Variants in XYLB observed in about 807,000 individuals in gnomAD.
XYLB encodes xylulokinase.
Under a neutral mutation model 78.7 loss-of-function variants are expected in XYLB, and 62 were observed. That is an observed-to-expected ratio of 0.79 (90% CI 0.64 to 0.97). The LOEUF (loss-of-function observed/expected upper bound fraction) is 0.97. XYLB is among the 50% of genes least tolerant of loss of function. The probability of loss-of-function intolerance (pLI) is 0.00; values close to 1 mark genes in which losing one functional copy is unlikely to be tolerated. For synonymous variants in XYLB, 245 were observed against 247.4 expected (o/e 0.99, Z 0.09); for missense variants, 687 against 676.8 (o/e 1.02, Z -0.17).
chr3:38,417,538 C>A (rs1179259083), downstream of XYLB, among the ~76,000 whole-genome samples: 1 of 152,104 alleles, frequency 6.6e-6, no homozygotes, highest in Non-Finnish European at 1.5e-5. Context: ...TGTTAAAAGA[C>A]CCTGGACCCC....
intron 15 of XYLB, among the ~76,000 whole-genome samples, chr3:38,382,030 G>A (rs1707170833): frequency 6.6e-6 from 1 of 152,060 alleles, no homozygotes; most frequent in African/African-American, 2.4e-5. Context: ...CTACCAACGT[G>A]GGATGTCTCC....
the XYLB span, among the ~76,000 whole-genome samples, chr3:38,441,827 T>C: frequency 6.6e-6 from 1 of 152,210 alleles, no homozygotes; most frequent in Admixed American, 6.5e-5. Flanking sequence ...ATGCCACTAG[T>C]TGTAGGGTTG....
At chr3:38,378,688 TGGC>T (rs1478994702) in intron 14 of XYLB, among the ~76,000 whole-genome samples, 2 of 151,568 alleles carry the variant, frequency 1.3e-5, no homozygotes, top group Non-Finnish European at 2.9e-5. Context: ...ATGAGGGGGA[TGGC>T]GGCAGGTTCT....
intron 3 of XYLB, 140 bp downstream of exon 3, chr3:38,360,548 A>G: frequency 7.0e-6 from 5 of 718,820 alleles, no homozygotes; most frequent in Non-Finnish European, 1.1e-5. Flanking sequence ...TGGAGTTGGC[A>G]TGACTCCTGG....
intron 4 of XYLB, among the ~76,000 whole-genome samples, chr3:38,363,893 A>C (rs928729735): frequency 1.3e-5 from 2 of 152,138 alleles, no homozygotes; most frequent in African/African-American, 4.8e-5. Flanking sequence ...TGTATTTTCA[A>C]ATCCTCACTA....
intron 15 of XYLB, among the ~76,000 whole-genome samples, chr3:38,387,954 C>T (rs1484555609): frequency 1.3e-5 from 2 of 152,150 alleles, no homozygotes; most frequent in Admixed American, 1.3e-4. Flanking sequence ...ATTTTACTGC[C>T]ATTTCCTGCT....
At chr3:38,360,689 C>G (rs1483380342) in intron 3 of XYLB, among the ~76,000 whole-genome samples, 1 of 152,226 alleles carries the variant, frequency 6.6e-6, no homozygotes, top group Non-Finnish European at 1.5e-5. Flanking sequence ...CAGAGCAAAT[C>G]TTTTCCAAAC....
intron 15 of XYLB, among the ~76,000 whole-genome samples, chr3:38,382,695 C>T (rs1237665104): frequency 6.6e-6 from 1 of 152,180 alleles, no homozygotes; most frequent in Non-Finnish European, 1.5e-5. Flanking sequence ...GGTCCTCCGG[C>T]TGTCAGAAGA....
intron 18 of XYLB, among the ~76,000 whole-genome samples, chr3:38,404,125 T>G (rs756147516): frequency 1.3e-5 from 2 of 152,222 alleles, no homozygotes; most frequent in African/African-American, 2.4e-5. Flanking sequence ...AGTTTCTCCA[T>G]GAGGAGAAAT....
At chr3:38,447,244 GCTA>G in the XYLB span, among the ~76,000 whole-genome samples, 1 of 152,094 alleles carries the variant, frequency 6.6e-6, no homozygotes, top group Non-Finnish European at 1.5e-5. Flanking sequence ...AGCTGGAATG[GCTA>G]CTATTATAAA....
chr3:38,370,065 T>G lies in XYLB; in HGVS notation c.656T>G (p.Met219Arg), dbSNP rs760977055. The change falls in exon 9 of 19, where the codon ATG becomes AGG. Residue 219 changes from methionine to arginine, a missense_variant. By Grantham distance (91) the Met-to-Arg change is moderately conservative (BLOSUM62 -1). Coordinates refer to ENST00000207870, the MANE Select transcript of XYLB (RefSeq NM_005108.4). ...TTCCTTCCTTCCTCAGGTTCTGGAA[T>G]GAATTTGTTGCAGATACAGGATAAA... The part of the protein sequence containing the change: ...SPIDYSDGSG[M>R]NLLQIQDKVW... 1.2e-6 allele frequency: 2 copies of G among 1,613,974 alleles called. No individual in the cohort carries two copies. Among genetic ancestry groups the G allele is most frequent in the African/African-American group, 1.3e-5 (1 of 74,938 alleles).
intron 2 of XYLB, among the ~76,000 whole-genome samples, chr3:38,358,996 G>A (rs566104098): frequency 2.6e-5 from 4 of 152,222 alleles, no homozygotes; most frequent in Admixed American, 6.5e-5. Flanking sequence ...AGACTCCAAC[G>A]CACCAGCACT....
the XYLB span, among the ~76,000 whole-genome samples, chr3:38,431,019 G>T: frequency 6.6e-6 from 1 of 152,178 alleles, no homozygotes; most frequent in Non-Finnish European, 1.5e-5. Context: ...TTTTGCTTAG[G>T]ATTGTCTTGG....
downstream of XYLB, among the ~76,000 whole-genome samples, chr3:38,425,405 C>T (rs1487072341): frequency 6.6e-6 from 1 of 152,180 alleles, no homozygotes; most frequent in Non-Finnish European, 1.5e-5. Context: ...GAATGAATCA[C>T]TCCCTAAAAC....
intron 18 of XYLB, among the ~76,000 whole-genome samples, chr3:38,406,442 A>G (rs982873357): frequency 5.9e-5 from 9 of 152,364 alleles, no homozygotes; most frequent in African/African-American, 1.9e-4. Context: ...GGGAAAAAAC[A>G]GAGCAGAAAA....
chr3:38,437,005 A>AAATAATAGT, the XYLB span, among the ~76,000 whole-genome samples: 2 of 134,794 alleles, frequency 1.5e-5, no homozygotes, highest in South Asian at 2.5e-4. Flanking sequence ...CTCCTTCTAA[A>AAATAATAGT]AATAATAATA....
At chr3:38,372,849 C>A (rs1325159002) in intron 10 of XYLB, 113 bp downstream of exon 10, 1 of 1,143,638 alleles carries the variant, frequency 8.7e-7, no homozygotes, top group Admixed American at 1.9e-5. Context: ...TTCCTCACCA[C>A]CCCCACCCAT....
chr3:38,362,048 G>T (rs1706004382), intron 3 of XYLB, among the ~76,000 whole-genome samples: 1 of 152,158 alleles, frequency 6.6e-6, no homozygotes, highest in South Asian at 2.1e-4. Flanking sequence ...TGGAATAGGG[G>T]CCTGGAACAG....
chr3:38,427,752 C>G, the XYLB span, among the ~76,000 whole-genome samples: 2 of 152,286 alleles, frequency 1.3e-5, no homozygotes, highest in Middle Eastern at 3.4e-3. Flanking sequence ...ACCACCACAC[C>G]TGGCTAATTT....
Sources: allele counts gnomAD v4.1 joint callset (sites outside exome capture counted in the v4.1 genomes callset), GRCh38; gene constraint gnomAD v4.1.1; transcripts MANE v1.5; gene names NCBI Gene and HGNC (gene_info 2026-07-23, HGNC 2026-07-21).